DLGAP1: variants seen among roughly 807,000 people sequenced by gnomAD.
DLGAP1 encodes the protein DLG associated protein 1.
A neutral mutation model predicts 90.8 loss-of-function variants in DLGAP1; 11 were observed. The ratio of observed to expected loss-of-function variants is 0.12; its 90% CI spans 0.08 to 0.20. The LOEUF (loss-of-function observed/expected upper bound fraction) is 0.20, where lower values mean the gene tolerates loss of function less well. Among genes scored for constraint, DLGAP1 ranks in the 10% least tolerant of loss-of-function variants. DLGAP1 has a pLI of 1.00. For missense variants in DLGAP1, 1,050 were observed against 1,333.8 expected, an observed-to-expected ratio of 0.79 and a Z score of 3.31; for synonymous variants, 558 against 540.7, an observed-to-expected ratio of 1.03 and a Z score of -0.44.
At chr18:3,714,775 T>C (rs1009239402) in intron 7 of DLGAP1, among the ~76,000 whole-genome samples, 4 of 151,042 alleles carry the variant, frequency 2.6e-5, no homozygotes, top group Admixed American at 2.0e-4. Flanking sequence ...GCTGGGATTA[T>C]AGGCACGTGC....
At chr18:3,846,746 A>C (rs1309138772) in intron 4 of DLGAP1, among the ~76,000 whole-genome samples, 1 of 152,218 alleles carries the variant, frequency 6.6e-6, no homozygotes, top group Non-Finnish European at 1.5e-5. Flanking sequence ...CAGAAAAGGC[A>C]GAATCTATAG....
chr18:3,741,248 ATCAC>A (rs2063003412), intron 6 of DLGAP1, among the ~76,000 whole-genome samples: 1 of 107,986 alleles, frequency 9.3e-6, no homozygotes. Context: ...CACCATCACC[ATCAC>A]CACCACAATC....
At chr18:4,394,654 A>G (rs1023253719) in intron 1 of DLGAP1, among the ~76,000 whole-genome samples, 1 of 152,196 alleles carries the variant, frequency 6.6e-6, no homozygotes, top group South Asian at 2.1e-4. Context: ...TATTGTTAAA[A>G]TATATCTTCT....
At chr18:4,259,356 A>G (rs969976357) in intron 1 of DLGAP1, among the ~76,000 whole-genome samples, 8 of 152,360 alleles carry the variant, frequency 5.3e-5, no homozygotes, top group African/African-American at 1.9e-4. Flanking sequence ...ATAACTCCTC[A>G]AAAAGTCATT....
chr18:3,764,135 T>C (rs1162955228), intron 5 of DLGAP1, among the ~76,000 whole-genome samples: 5 of 152,224 alleles, frequency 3.3e-5, no homozygotes, highest in African/African-American at 4.8e-5. Flanking sequence ...CACACCAGTA[T>C]TAAGGATTAT....
At chr18:3,782,941 T>G (rs1328016161) in intron 5 of DLGAP1, among the ~76,000 whole-genome samples, 1 of 152,108 alleles carries the variant, frequency 6.6e-6, no homozygotes, top group Non-Finnish European at 1.5e-5. Context: ...TATAAACAAC[T>G]CCTACAACTC....
intron 2 of DLGAP1, among the ~76,000 whole-genome samples, chr18:4,024,659 G>T (rs2149118648): frequency 6.6e-6 from 1 of 152,250 alleles, no homozygotes; most frequent in African/African-American, 2.4e-5. Context: ...GAGAAATATT[G>T]GGTAAAGACT....
intron 3 of DLGAP1, among the ~76,000 whole-genome samples, chr18:3,939,690 G>C (rs2072727971): frequency 6.6e-6 from 1 of 152,048 alleles, no homozygotes; most frequent in African/African-American, 2.4e-5. Context: ...GTGGAGGCTG[G>C]GAGTGGAGGG....
At chr18:3,770,913 A>G (rs2064501920) in intron 5 of DLGAP1, 1 of 152,124 alleles carries the variant, frequency 6.6e-6, no homozygotes, top group Non-Finnish European at 1.5e-5. Context: ...ACTTCTACCC[A>G]CTTTTATTAC....
intron 1 of DLGAP1, among the ~76,000 whole-genome samples, chr18:4,452,531 G>C (rs1038903525): frequency 2.0e-5 from 3 of 152,096 alleles, no homozygotes; most frequent in South Asian, 2.1e-4. Context: ...ATATTTAATA[G>C]AGTTAACTCA....
At chr18:3,599,335 C>A (rs1599451048) in intron 7 of DLGAP1, among the ~76,000 whole-genome samples, 1 of 152,226 alleles carries the variant, frequency 6.6e-6, no homozygotes, top group East Asian at 1.9e-4. Flanking sequence ...CTTATCTGGG[C>A]ATGCCCAGCA....
chr18:4,261,754 G>C (rs1263660853), intron 1 of DLGAP1, among the ~76,000 whole-genome samples: 2 of 152,068 alleles, frequency 1.3e-5, no homozygotes, highest in South Asian at 2.1e-4. Flanking sequence ...TGATGAAATG[G>C]GCTCGATGTT....
intron 1 of DLGAP1, among the ~76,000 whole-genome samples, chr18:4,182,491 T>A (rs1251800214): frequency 1.3e-5 from 2 of 152,138 alleles, no homozygotes. Flanking sequence ...AGTCTTTTTA[T>A]TTTTTATTTT....
chr18:3,539,719 G>T (rs979823606), intron 9 of DLGAP1, among the ~76,000 whole-genome samples: 3 of 152,182 alleles, frequency 2.0e-5, no homozygotes, highest in African/African-American at 7.2e-5. Flanking sequence ...TTAAACAAAA[G>T]AAATTGTGCA....
chr18:3,850,686 T>C (rs2069287411), intron 4 of DLGAP1, among the ~76,000 whole-genome samples: 1 of 152,204 alleles, frequency 6.6e-6, no homozygotes, highest in Admixed American at 6.5e-5. Context: ...AGTAGCATGA[T>C]AGGCTTGACT....
chr18:3,801,274 C>G (rs1419258160), intron 5 of DLGAP1, among the ~76,000 whole-genome samples: 1 of 152,216 alleles, frequency 6.6e-6, no homozygotes, highest in Non-Finnish European at 1.5e-5. Context: ...AACACCCAAA[C>G]TATACCACCT....
intron 4 of DLGAP1, among the ~76,000 whole-genome samples, chr18:3,827,110 G>C (rs990400994): frequency 1.1e-4 from 17 of 152,278 alleles, no homozygotes; most frequent in Middle Eastern, 3.4e-3. Flanking sequence ...ATGCCCATGG[G>C]TCATCTAAGC....
chr18:3,559,523 T>C (rs1427046221), intron 9 of DLGAP1, among the ~76,000 whole-genome samples: 1 of 152,124 alleles, frequency 6.6e-6, no homozygotes. Flanking sequence ...GAATTTTCTC[T>C]CCTTTCTTAG....
At chr18:3,807,742 C>T (rs1292981319) in intron 5 of DLGAP1, among the ~76,000 whole-genome samples, 1 of 152,170 alleles carries the variant, frequency 6.6e-6, no homozygotes, top group Non-Finnish European at 1.5e-5. Context: ...GATGCTCTCT[C>T]CCTCCCCCAA....
Sources: allele counts gnomAD v4.1 joint callset (sites outside exome capture counted in the v4.1 genomes callset), GRCh38; gene constraint gnomAD v4.1.1; transcripts MANE v1.5; gene names NCBI Gene and HGNC (gene_info 2026-07-23, HGNC 2026-07-21).